The following TENM4 variants were observed in gnomAD, a reference collection of about 807,000 sequenced individuals.
TENM4 encodes the protein teneurin-4.
A neutral mutation model predicts 243.3 loss-of-function variants in TENM4; 82 were observed. The observed-to-expected ratio is 0.34, with a 90% CI of 0.28 to 0.40. The LOEUF (loss-of-function observed/expected upper bound fraction) is 0.40, where lower values mean the gene tolerates loss of function less well. Ranked by LOEUF, TENM4 falls within the 10% of genes least tolerant of loss-of-function variation. TENM4 has a pLI of 1.00. For missense variants in TENM4, 3,138 were observed against 3,673.3 expected (o/e 0.85, Z 3.77); for synonymous variants, 1,412 against 1,456.3 (o/e 0.97, Z 0.69).
chr11:79,343,253 A>G (rs551290371), intron 1 of TENM4, among the ~76,000 whole-genome samples: 228 of 152,384 alleles, frequency 1.5e-3, no homozygotes, highest in South Asian at 4.1e-3. Flanking sequence ...CATTATGGTT[A>G]AGTGATCCTT....
At chr11:79,258,339 A>G (rs934464897) in intron 2 of TENM4, among the ~76,000 whole-genome samples, 6 of 152,176 alleles carry the variant, frequency 3.9e-5, no homozygotes, top group Non-Finnish European at 8.8e-5. Flanking sequence ...ACTATTATAC[A>G]ATGGATGGTC....
intron 1 of TENM4, among the ~76,000 whole-genome samples, chr11:79,350,952 C>T (rs1347630596): frequency 6.6e-6 from 1 of 152,210 alleles, no homozygotes; most frequent in East Asian, 1.9e-4. Context: ...TGTGGCCTGA[C>T]CCCTCCCCTA....
intron 20 of TENM4, among the ~76,000 whole-genome samples, chr11:78,736,481 C>CAT (rs200794933): frequency 0.024 from 2,910 of 119,754 alleles, 101 homozygotes; most frequent in African/African-American, 0.12. Context: ...TGTGTGTGTG[C>CAT]GCGCGCGTGC....
At chr11:79,035,950 A>C (rs1394673770) in intron 6 of TENM4, among the ~76,000 whole-genome samples, 1 of 152,224 alleles carries the variant, frequency 6.6e-6, no homozygotes, top group African/African-American at 2.4e-5. Flanking sequence ...TTGATGCTTA[A>C]AAACATAAAA....
chr11:79,092,026 T>C (rs1426073594), intron 4 of TENM4, among the ~76,000 whole-genome samples: 4 of 152,182 alleles, frequency 2.6e-5, no homozygotes, highest in Non-Finnish European at 4.4e-5. Context: ...CCAGTGCTCC[T>C]GGATTCTGTT....
intron 18 of TENM4, among the ~76,000 whole-genome samples, chr11:78,759,623 G>A (rs1856387699): frequency 6.6e-6 from 1 of 152,200 alleles, no homozygotes; most frequent in African/African-American, 2.4e-5. Context: ...AGTCCTGGGG[G>A]AAGGTTAGCC....
intron 6 of TENM4, among the ~76,000 whole-genome samples, chr11:78,943,970 C>T (rs1856958925): frequency 6.6e-6 from 1 of 152,222 alleles, no homozygotes; most frequent in South Asian, 2.1e-4. Context: ...GTGGTGAGGA[C>T]TGCGTTTCTG....
At chr11:79,208,804 C>T (rs1362721726) in intron 3 of TENM4, among the ~76,000 whole-genome samples, 2 of 152,194 alleles carry the variant, frequency 1.3e-5, no homozygotes, top group African/African-American at 2.4e-5. Flanking sequence ...GCATACTTGG[C>T]TTTTCCACTA....
chr11:79,162,389 G>A (rs1443661912), intron 3 of TENM4, among the ~76,000 whole-genome samples: 1 of 152,178 alleles, frequency 6.6e-6, no homozygotes, highest in Admixed American at 6.6e-5. Context: ...GCTTAGAACA[G>A]AGTTTGACAA....
At chr11:79,391,355 C>G (rs1858228870) in intron 1 of TENM4, among the ~76,000 whole-genome samples, 1 of 152,100 alleles carries the variant, frequency 6.6e-6, no homozygotes, top group Non-Finnish European at 1.5e-5. Context: ...CAATGTTTCT[C>G]AGTTCCTTCC....
intron 4 of TENM4, among the ~76,000 whole-genome samples, chr11:79,089,852 G>C (rs937062917): frequency 4.6e-5 from 7 of 152,144 alleles, no homozygotes; most frequent in Non-Finnish European, 1.5e-5. Context: ...CTGTTGTGTT[G>C]CCATTTTATA....
intron 1 of TENM4, among the ~76,000 whole-genome samples, chr11:79,355,202 C>T (rs1857475921): frequency 6.6e-6 from 1 of 152,184 alleles, no homozygotes. Context: ...CATGAACAGA[C>T]TTGATTGTGA....
intron 2 of TENM4, among the ~76,000 whole-genome samples, chr11:79,254,449 T>C (rs1044414585): frequency 1.3e-5 from 2 of 152,332 alleles, no homozygotes; most frequent in African/African-American, 4.8e-5. Flanking sequence ...GCCTACACTT[T>C]CTTTTACGGA....
intron 1 of TENM4, among the ~76,000 whole-genome samples, chr11:79,336,365 A>C (rs372575232): frequency 6.6e-6 from 1 of 152,220 alleles, no homozygotes; most frequent in Non-Finnish European, 1.5e-5. Flanking sequence ...GCCATCTCGC[A>C]TACTTACTTC....
intron 22 of TENM4, among the ~76,000 whole-genome samples, chr11:78,727,809 C>T (rs1010881154): frequency 6.6e-6 from 1 of 152,228 alleles, no homozygotes; most frequent in African/African-American, 2.4e-5. Context: ...TTCTTCCAAG[C>T]GTCTTTCTGG....
rs116756041 is a variant in TENM4 at position 78,871,025 on chromosome 11, T to C, written c.1085-7893A>G. 2.7e-3 allele frequency among the ~76,000 whole-genome samples: 406 copies of C among 152,240 alleles called. 2 individuals are homozygous for C. The highest frequency in any genetic ancestry group is 9.3e-3 in the African/African-American group (386 of 41,552). ...GGAGTTGGCCACCCCCCACCAACCT[T>C]TGGACTCACCTCAGCCCAGTTATCT... On this transcript the variant is annotated intron_variant, in intron 9 of 33. Transcript: ENST00000278550.
intron 1 of TENM4, among the ~76,000 whole-genome samples, chr11:79,388,500 T>C (rs1402107219): frequency 6.6e-6 from 1 of 152,196 alleles, no homozygotes; most frequent in African/African-American, 2.4e-5. Context: ...GTACCAGGAA[T>C]AGGAAACAAA....
rs766514094 is a variant in TENM4 at position 78,658,462 on chromosome 11, C to A, written c.7906G>T (p.Gly2636Trp). The A allele has an allele frequency of 5.0e-6, 8 of 1,613,906 alleles. No homozygotes were observed. The highest frequency in any genetic ancestry group is 4.0e-5 in the African/African-American group (3 of 74,928). The change falls in exon 34 of 34, where the codon GGG (glycine) becomes TGG (tryptophan). Residue 2636 changes from glycine (G) to tryptophan (W), a missense_variant. Gly to Trp is a radical substitution (Grantham distance 184, BLOSUM62 -2). Coordinates refer to ENST00000278550, the MANE Select transcript of TENM4 (RefSeq NM_001098816.3). ...CCATTCTCCAGGGTTCGCCGCCCCC[C>A]ACTGAGGCCCAGGATGGCCAGGTCA... ...EGDLAILGLS[G>W]GRRTLENGVN...
chr11:78,862,762 G>T (rs372475961), intron 10 of TENM4, among the ~76,000 whole-genome samples, 200 bp downstream of exon 10: 1 of 152,144 alleles, frequency 6.6e-6, no homozygotes, highest in Non-Finnish European at 1.5e-5. Flanking sequence ...AGCCTCCCAC[G>T]AACTCTCAGT....
Sources: allele counts gnomAD v4.1 joint callset (sites outside exome capture counted in the v4.1 genomes callset), GRCh38; gene constraint gnomAD v4.1.1; transcripts MANE v1.5; gene names NCBI Gene and HGNC (gene_info 2026-07-23, HGNC 2026-07-21).